TNFAIP3: variants seen among roughly 807,000 people sequenced by gnomAD.
The protein encoded by TNFAIP3 is TNF alpha induced protein 3.
In TNFAIP3, 9 loss-of-function variants were observed where a neutral mutation model predicts 72.4. The ratio of observed to expected loss-of-function variants is 0.12; its 90% CI spans 0.07 to 0.22. The LOEUF is 0.22. TNFAIP3 is among the 10% of genes least tolerant of loss of function. The probability of loss-of-function intolerance (pLI) is 1.00; values close to 1 mark genes in which losing one functional copy is unlikely to be tolerated. For synonymous variants in TNFAIP3, 339 were observed against 372.6 expected, an observed-to-expected ratio of 0.91 and a Z score of 1.04; for missense variants, 833 against 1,018.7, an observed-to-expected ratio of 0.82 and a Z score of 2.48.
Position 137,881,417 on chromosome 6 carries a change from T to A in TNFAIP3, c.*98T>A. ...AACCCCTCAGCTGCCACTGCAACAG[T>A]GGGCTTAAGGGTGTCTGAGCAGGAG... On this transcript the variant is annotated 3_prime_UTR_variant, in exon 9 of 9. Coordinates refer to ENST00000612899, the MANE Select transcript of TNFAIP3 (RefSeq NM_001270508.2). This position sits in a 1 kb window ranked among gnomAD's most constrained non-coding sequence, Gnocchi z 5.0. 8.8e-7 allele frequency: 1 copy of A among 1,135,508 alleles called. No homozygotes were observed. The allele number at this position is 1,135,508 out of a possible 1,614,324, so 70.3% of individuals were successfully genotyped here. A position where few individuals can be genotyped will look rare whatever the true frequency, so the allele number is the denominator to read the frequency against.
At position 137,871,487 on chromosome 6, in the gene TNFAIP3, G is replaced by A. The variant is rs1363086770; in HGVS notation, c.260G>A (p.Arg87Gln). The change falls in exon 2 of 9, where the codon CGA becomes CAA. Residue 87 changes from arginine to glutamine, a missense_variant. Coordinates refer to ENST00000612899, the MANE Select transcript of TNFAIP3 (RefSeq NM_001270508.2). The surrounding 1 kb of genome is among the most constrained non-coding windows in gnomAD (Gnocchi z 4.2). ...LESQKKLNWC[R>Q]EVRKLVALKT... ...AGCCAGAAGAAACTCAACTGGTGTCGAGAAGTCCGGAAGCTTGTGGCGCTG... is the reference window on the plus strand; with the variant it reads ...AGCCAGAAGAAACTCAACTGGTGTCAAGAAGTCCGGAAGCTTGTGGCGCTG... The A allele has an allele frequency of 8.1e-6, 13 of 1,614,016 alleles. No homozygotes were observed. The highest frequency in any genetic ancestry group is 5.0e-5 in the Admixed American group (3 of 59,996).
chr6:137,870,767 G>A (rs1204155103), intron 1 of TNFAIP3, among the ~76,000 whole-genome samples: 1 of 152,172 alleles, frequency 6.6e-6, no homozygotes, highest in African/African-American at 2.4e-5. Flanking sequence ...TGGTCTGAGG[G>A]GAGGAGCTAC....
At chr6:137,869,687 T>G (rs1775993813) in intron 1 of TNFAIP3, among the ~76,000 whole-genome samples, 1 of 152,164 alleles carries the variant, frequency 6.6e-6, no homozygotes, top group South Asian at 2.1e-4. Context: ...ACCTTATCAA[T>G]GGTGTTGAGA....
At chr6:137,872,773 G>A (rs557483185) in intron 2 of TNFAIP3, among the ~76,000 whole-genome samples, 4 of 152,224 alleles carry the variant, frequency 2.6e-5, no homozygotes, top group East Asian at 1.9e-4. Context: ...TCATCATCAC[G>A]GGGTTTATGT....
At chr6:137,880,964 T>C in intron 8 of TNFAIP3, 71 bp from the exon 9 acceptor site, 1 of 1,489,996 alleles carries the variant, frequency 6.7e-7, no homozygotes, top group Non-Finnish European at 9.1e-7. Flanking sequence ...GAGATTTCAT[T>C]GTGCTCTCCC....
Position 137,871,532 on chromosome 6 carries a change from G to C in TNFAIP3, c.295+10G>C, listed in dbSNP as rs754420147. ...GCGCTGAAAACGAACGGTAAGACTT[G>C]TTCTGTTGTGTTTCTTTTGCCTGGG... On this transcript the variant is annotated intron_variant, in intron 2 of 8. Transcript: ENST00000612899. The surrounding 1 kb of genome is among the most constrained non-coding windows in gnomAD (Gnocchi z 4.2). 1 of 1,610,630 alleles carries C rather than the reference G, an allele frequency of 6.2e-7. No homozygotes were observed. Among genetic ancestry groups the C allele is most frequent in the African/African-American group, 1.3e-5 (1 of 74,726 alleles).
chr6:137,872,971 GA>G (rs1029423483), intron 2 of TNFAIP3, among the ~76,000 whole-genome samples: 36 of 144,392 alleles, frequency 2.5e-4, no homozygotes, highest in African/African-American at 6.1e-4. Context: ...ATTTCCACTA[GA>G]AAAAAAAAAG....
At chr6:137,875,435 T>A (rs1466312465) in intron 3 of TNFAIP3, among the ~76,000 whole-genome samples, 1 of 151,402 alleles carries the variant, frequency 6.6e-6, no homozygotes, top group Admixed American at 6.6e-5. Context: ...TGATACCTCA[T>A]CAGGGATTTT....
At position 137,879,089 on chromosome 6, in the gene TNFAIP3, C is replaced by A; in HGVS notation, c.1644C>A (p.Ser548=). The change falls in exon 7 of 9, where the codon TCC becomes TCA. Residue 548 remains serine (S), a synonymous_variant. Coordinates refer to ENST00000612899, the MANE Select transcript of TNFAIP3 (RefSeq NM_001270508.2). ...TCAAAAGGACTACAGCAGAGGCCTC[C>A]TCCAGCCTCAGCACCAGCCTCCCTC... ...TCFKRTTAEA[S]SSLSTSLPPS... 6.2e-7 allele frequency: 1 copy of A among 1,614,204 alleles called. No homozygotes were observed. Among genetic ancestry groups the A allele is most frequent in the East Asian group, 2.2e-5 (1 of 44,888 alleles).
At chr6:137,876,584 G>A (rs1342479222) in intron 5 of TNFAIP3, among the ~76,000 whole-genome samples, 6 of 152,154 alleles carry the variant, frequency 3.9e-5, no homozygotes, top group Non-Finnish European at 8.8e-5. Context: ...TTACAGGCAC[G>A]AGCCACCATG....
chr6:137,867,450 G>A lies in TNFAIP3; in HGVS notation c.-108G>A, dbSNP rs997692808. The A allele has an allele frequency of 1.3e-5, 2 of 152,624 alleles. No homozygotes were observed. The highest frequency in any genetic ancestry group is 2.9e-5 in the Non-Finnish European group (2 of 68,270). The allele number at this position is 152,624 out of a possible 1,614,324, so 9.5% of individuals were successfully genotyped here. ...CCCGCCTGCGGCGCGCTCCTGCCTT[G>A]ACCAGGACTTGGGACTTTGCGAAAG... On this transcript the variant is annotated 5_prime_UTR_variant, in exon 1 of 9. It removes the in-frame stop codon of an upstream open reading frame in the 5' UTR. Transcript: ENST00000612899. This position sits in a 1 kb window ranked among gnomAD's most constrained non-coding sequence, Gnocchi z 6.0.
intron 3 of TNFAIP3, 108 bp from the exon 4 acceptor site, chr6:137,875,580 A>G (rs1776219234): frequency 1.5e-6 from 2 of 1,339,374 alleles, no homozygotes; most frequent in Non-Finnish European, 2.0e-6. Context: ...AGGGGAAAAA[A>G]TAAGCTGAGT....
At chr6:137,868,449 GTGC>G (rs1775918665) in intron 1 of TNFAIP3, among the ~76,000 whole-genome samples, 1 of 152,028 alleles carries the variant, frequency 6.6e-6, no homozygotes, top group Non-Finnish European at 1.5e-5. Flanking sequence ...ATTGTTTAAG[GTGC>G]TGCTTTGATT....
upstream of TNFAIP3, among the ~76,000 whole-genome samples, chr6:137,866,350 G>C (rs1353689380): frequency 3.9e-5 from 6 of 152,170 alleles, no homozygotes; most frequent in African/African-American, 1.2e-4. Flanking sequence ...GGAAGCGCCA[G>C]TATTATCAGC....
rs1402976300 is a variant in TNFAIP3, at chr6:137,879,085, C to A, written c.1640C>A (p.Ala547Asp). The A allele has an allele frequency of 1.9e-6, 3 of 1,614,086 alleles. No individual in the cohort carries two copies. Among genetic ancestry groups the A allele is most frequent in the Non-Finnish European group, 2.5e-6 (3 of 1,180,044 alleles). The stretch of plus-strand genomic sequence containing the variant: ...TGCTTCAAAAGGACTACAGCAGAGG[C>A]CTCCTCCAGCCTCAGCACCAGCCTC... Reference protein sequence around the residue: ...STCFKRTTAEASSSLSTSLPP... With the variant: ...STCFKRTTAEDSSSLSTSLPP... Residue 547 changes from alanine (A) to aspartate (D), a missense_variant, in exon 7 of 9, where the codon GCC becomes GAC. Coordinates refer to ENST00000612899, the MANE Select transcript of TNFAIP3 (RefSeq NM_001270508.2).
chr6:137,877,320 G>C, intron 6 of TNFAIP3, 64 bp downstream of exon 6: 2 of 1,451,748 alleles, frequency 1.4e-6, no homozygotes, highest in African/African-American at 1.4e-5. Context: ...TCAGCCACCT[G>C]AGTTGCTGCC....
At chr6:137,880,306 T>C in intron 8 of TNFAIP3, 54 bp downstream of exon 8, 1 of 1,595,542 alleles carries the variant, frequency 6.3e-7, no homozygotes, top group Non-Finnish European at 8.6e-7. Flanking sequence ...TGCTTTTTGC[T>C]GGAGCGTTTT....
chr6:137,881,919 T>C lies in TNFAIP3; in HGVS notation c.*600T>C, dbSNP rs987681342. On this transcript the variant is annotated 3_prime_UTR_variant, in exon 9 of 9. Coordinates refer to ENST00000612899, the MANE Select transcript of TNFAIP3 (RefSeq NM_001270508.2). This position sits in a 1 kb window ranked among gnomAD's most constrained non-coding sequence, Gnocchi z 5.0. The stretch of plus-strand genomic sequence containing the variant: ...CCCGGCAGAAATGCAGAACCATCCA[T>C]GGACTGTGATTCTGAGGCTGCTGAG... 2.6e-5 allele frequency: 6 copies of C among 231,774 alleles called. No homozygotes were observed. The highest frequency in any genetic ancestry group is 1.8e-4 in the East Asian group (3 of 16,534). 14.4% of individuals were successfully genotyped at this position (231,774 alleles called of 1,614,324 possible). A position where few individuals can be genotyped will look rare whatever the true frequency, so the allele number is the denominator to read the frequency against.
rs1478995642 is a variant in TNFAIP3, at chr6:137,869,660, A to G, written c.-15-1553A>G. Among the ~76,000 whole-genome samples the G allele has an allele frequency of 3.3e-5, 5 of 152,316 alleles. No individual in the cohort carries two copies. The South Asian group carries it at 6.2e-4, about 19-fold the overall frequency. On this transcript the variant is annotated intron_variant, in intron 1 of 8. Coordinates refer to ENST00000612899, the MANE Select transcript of TNFAIP3 (RefSeq NM_001270508.2). Reference sequence around the variant, plus strand: ...CCAACCTCTCTCCTTTGAGTGGGCCACAAGAATTATCTCAACACCTTATCA... The same window carrying G: ...CCAACCTCTCTCCTTTGAGTGGGCCGCAAGAATTATCTCAACACCTTATCA...
Sources: allele counts gnomAD v4.1 joint callset (sites outside exome capture counted in the v4.1 genomes callset), GRCh38; gene constraint gnomAD v4.1.1; non-coding constraint Gnocchi (gnomAD v3.1); transcripts MANE v1.5; gene names NCBI Gene and HGNC (gene_info 2026-07-23, HGNC 2026-07-21).